The following MYO16 variants were observed in gnomAD, a reference collection of about 807,000 sequenced individuals.
The protein encoded by MYO16 is myosin XVI.
In MYO16, 94 loss-of-function variants were observed where a neutral mutation model predicts 205.3. The ratio of observed to expected loss-of-function variants is 0.46; its 90% CI spans 0.39 to 0.54. MYO16 has a LOEUF of 0.54. MYO16 is among the 20% of genes least tolerant of loss of function. The pLI is 0.00. For synonymous variants in MYO16, 988 were observed against 954.0 expected, an observed-to-expected ratio of 1.04 and a Z score of -0.66; for missense variants, 2,315 against 2,387.5, an observed-to-expected ratio of 0.97 and a Z score of 0.63.
intron 20 of MYO16, among the ~76,000 whole-genome samples, chr13:108,968,358 C>T (rs1883877910): frequency 6.6e-6 from 1 of 152,086 alleles, no homozygotes; most frequent in African/African-American, 2.4e-5. Flanking sequence ...GCCTGTAATC[C>T]CAGCACTTTG....
At chr13:108,540,271 T>C in the MYO16 span, among the ~76,000 whole-genome samples, 2 of 152,190 alleles carry the variant, frequency 1.3e-5, no homozygotes, top group African/African-American at 4.8e-5. Flanking sequence ...TCAAAGGCTA[T>C]GCCATATGAA....
At chr13:109,022,360 A>G (rs1270894457) in intron 23 of MYO16, among the ~76,000 whole-genome samples, 1 of 107,436 alleles carries the variant, frequency 9.3e-6, no homozygotes, top group Admixed American at 1.2e-4. Context: ...ATATATATGT[A>G]TATATGTATG....
upstream of MYO16, among the ~76,000 whole-genome samples, chr13:108,626,264 T>C (rs1437371915): frequency 3.9e-5 from 6 of 152,192 alleles, no homozygotes; most frequent in African/African-American, 1.4e-4. Flanking sequence ...AAAATGAGTT[T>C]GAAATATTAT....
At chr13:108,983,839 T>G (rs1369112403) in intron 20 of MYO16, among the ~76,000 whole-genome samples, 1 of 152,138 alleles carries the variant, frequency 6.6e-6, no homozygotes, top group East Asian at 1.9e-4. Context: ...GTCTTCTCCT[T>G]CCATTTGCAA....
chr13:108,952,365 A>C (rs1362302203), intron 16 of MYO16, among the ~76,000 whole-genome samples: 1 of 152,174 alleles, frequency 6.6e-6, no homozygotes, highest in Non-Finnish European at 1.5e-5. Context: ...CACTGGGCTC[A>C]GGGGCAAGAC....
Position 109,017,815 on chromosome 13 carries a change from A to C in MYO16, c.2596-1896A>C, listed in dbSNP as rs9583318. On this transcript the variant is annotated intron_variant, in intron 22 of 34. Coordinates refer to ENST00000457511, the MANE Select transcript of MYO16 (RefSeq NM_001198950.3). ...TCATGCCATGGTTTTCAGCTCCATC[A>C]GGTCATTTAAGGTCTTCTCTACACT... 4.5e-3 allele frequency among the ~76,000 whole-genome samples: 683 copies of C among 152,230 alleles called. 5 individuals carry two copies. Among genetic ancestry groups the C allele is most frequent in the African/African-American group, 0.016 (653 of 41,548 alleles).
At chr13:108,644,987 T>G (rs1035204380) in intron 1 of MYO16, among the ~76,000 whole-genome samples, 2 of 152,134 alleles carry the variant, frequency 1.3e-5, no homozygotes, top group African/African-American at 4.8e-5. Flanking sequence ...TGCAGAGTGT[T>G]GTTTTGGGCT....
At chr13:109,181,563 A>G (rs1879451863) in intron 34 of MYO16, among the ~76,000 whole-genome samples, 1 of 152,202 alleles carries the variant, frequency 6.6e-6, no homozygotes, top group Non-Finnish European at 1.5e-5. Flanking sequence ...GGATGTCTAT[A>G]TTTTCATTAG....
At chr13:109,173,543 T>G (rs1879004114) in intron 33 of MYO16, among the ~76,000 whole-genome samples, 1 of 151,784 alleles carries the variant, frequency 6.6e-6, no homozygotes, top group Non-Finnish European at 1.5e-5. Context: ...AATAGGTGAG[T>G]AAATAACAGA....
chr13:109,152,765 A>T (rs1245763283), intron 32 of MYO16, among the ~76,000 whole-genome samples: 1 of 152,208 alleles, frequency 6.6e-6, no homozygotes, highest in Non-Finnish European at 1.5e-5. Flanking sequence ...AGTTCTTCCT[A>T]GGCTACAAAA....
At chr13:108,831,779 C>T (rs1205964810) in intron 9 of MYO16, among the ~76,000 whole-genome samples, 1 of 152,196 alleles carries the variant, frequency 6.6e-6, no homozygotes, top group East Asian at 1.9e-4. Context: ...TTCCAAAGTG[C>T]TGAGATTACA....
chr13:108,507,930 C>T, the MYO16 span, among the ~76,000 whole-genome samples: 5 of 151,766 alleles, frequency 3.3e-5, no homozygotes, highest in African/African-American at 1.2e-4. Flanking sequence ...GTCTGTTGAA[C>T]ATTTATAGTG....
intron 32 of MYO16, among the ~76,000 whole-genome samples, chr13:109,142,778 T>C (rs1877161108): frequency 6.6e-6 from 1 of 152,128 alleles, no homozygotes; most frequent in Non-Finnish European, 1.5e-5. Flanking sequence ...AAGTGGCCAA[T>C]GGGAAACCTC....
Position 109,140,904 on chromosome 13 carries a change from C to T in MYO16, c.4692C>T (p.Tyr1564=). ...GGTCGAGCCCGCTGTCCCCGCAGTA[C>T]TCCAAGAGCCAGAAGGGCGACGGCG... ...PEGSSPLSPQ[Y]SKSQKGDGDR... Residue 1564 remains tyrosine, a synonymous_variant, in exon 32 of 35, where the codon TAC becomes TAT. Coordinates refer to ENST00000457511, the MANE Select transcript of MYO16 (RefSeq NM_001198950.3). This position sits in a 1 kb window ranked among gnomAD's most constrained non-coding sequence, Gnocchi z 8.0. 6.3e-7 allele frequency: 1 copy of T among 1,582,330 alleles called. No individual in the cohort carries two copies. The highest frequency in any genetic ancestry group is 8.6e-7 in the Non-Finnish European group (1 of 1,166,658).
intron 28 of MYO16, among the ~76,000 whole-genome samples, chr13:109,104,386 A>G (rs1889060702): frequency 6.6e-6 from 1 of 152,198 alleles, no homozygotes; most frequent in African/African-American, 2.4e-5. Flanking sequence ...AGGAAAAACA[A>G]GCAGACTACT....
chr13:109,021,841 A>G (rs886746217), intron 23 of MYO16, among the ~76,000 whole-genome samples: 4 of 152,028 alleles, frequency 2.6e-5, no homozygotes, highest in Admixed American at 2.6e-4. Context: ...AAGTAGGAAG[A>G]TGAAGCAATA....
At position 109,141,033 on chromosome 13, in the gene MYO16, GC is replaced by G. The variant is rs1207174723; in HGVS notation, c.4824del (p.Tyr1609ThrfsTer16). 3.8e-6 allele frequency: 5 copies of G among 1,311,786 alleles called. No homozygotes were observed. Among genetic ancestry groups the G allele is most frequent in the Non-Finnish European group, 4.8e-6 (5 of 1,033,422 alleles). The allele number at this position is 1,311,786 out of a possible 1,614,324, so 81.3% of individuals were successfully genotyped here. A position where few individuals can be genotyped will look rare whatever the true frequency, so the allele number is the denominator to read the frequency against. On this transcript the variant is annotated frameshift_variant, in exon 32 of 35. Transcript: ENST00000457511. LOFTEE classifies it high-confidence loss of function. The surrounding 1 kb of genome is among the most constrained non-coding windows in gnomAD (Gnocchi z 4.1). ...PPPPPGPPPA[P>X]YRPCAHLAFP... ...CGCCCCCGCCCGGGCCGCCCCCCGC[GC>G]CCTACAGGCCCTGCGCGCACTTGGC... is the stretch of plus-strand genomic sequence containing the variant.
At chr13:108,974,403 G>GCA (rs1884175331) in intron 20 of MYO16, among the ~76,000 whole-genome samples, 2 of 151,868 alleles carry the variant, frequency 1.3e-5, no homozygotes, top group South Asian at 4.2e-4. Context: ...ACACAAACAC[G>GCA]CACACACACA....
chr13:108,775,152 G>A (rs1419108986), intron 4 of MYO16, among the ~76,000 whole-genome samples: 1 of 152,136 alleles, frequency 6.6e-6, no homozygotes, highest in Non-Finnish European at 1.5e-5. Context: ...ACATCAGCGT[G>A]AATGTTTAGT....
Sources: gnomAD v4.1 joint callset for allele counts (sites outside exome capture counted in the v4.1 genomes callset) on GRCh38, gnomAD v4.1.1 for gene constraint, Gnocchi (gnomAD v3.1) non-coding constraint, MANE v1.5 for transcripts, NCBI Gene and HGNC (gene_info 2026-07-23, HGNC 2026-07-21) for gene names.